TNFRSF12A: variants seen among roughly 807,000 people sequenced by gnomAD.
TNFRSF12A encodes the protein TNF receptor superfamily member 12A, also known as tumor necrosis factor receptor superfamily member 12A.
TNFRSF12A carries 13 observed loss-of-function variants against 15.5 expected under a neutral mutation model. The ratio of observed to expected loss-of-function variants is 0.84; its 90% CI spans 0.54 to 1.33. The LOEUF is 1.33. TNFRSF12A is among the 40% of genes most tolerant of loss of function. The pLI, the probability that TNFRSF12A is intolerant of heterozygous loss-of-function variation, is 0.00. For missense variants in TNFRSF12A, 174 were observed against 173.6 expected (o/e 1.00, Z -0.01); for synonymous variants, 89 against 78.4 (o/e 1.14, Z -0.71).
Position 3,022,044 on chromosome 16 carries a change from T to C in TNFRSF12A, c.*218T>C, listed in dbSNP as rs185286477. ...CTGGCTCCAGAACAGAAAGGGAGCCTCACGCTGGCTCACACAAAACAGCTG... is the reference window on the plus strand; with the variant it reads ...CTGGCTCCAGAACAGAAAGGGAGCCCCACGCTGGCTCACACAAAACAGCTG... On this transcript the variant is annotated 3_prime_UTR_variant, in exon 4 of 4. Transcript: ENST00000326577. 8.8e-4 allele frequency: 494 copies of C among 558,234 alleles called. 9 individuals are homozygous for C. The East Asian group carries it at 0.015, about 17-fold the overall frequency. 34.6% of individuals were successfully genotyped at this position (558,234 alleles called of 1,614,324 possible). A position where few individuals can be genotyped will look rare whatever the true frequency, so the allele number is the denominator to read the frequency against.
In TNFRSF12A at chr16:3,020,492, G is replaced by T. The variant is rs2072600099; in HGVS notation, c.94+1G>T. On this transcript the variant is annotated splice_donor_variant, in intron 1 of 3. Coordinates refer to ENST00000326577, the MANE Select transcript of TNFRSF12A (RefSeq NM_016639.3). LOFTEE classifies it high-confidence loss of function. ...TCCGTGGCCGGGGAGCAAGCGCCAG[G>T]TACGCGGGACTCCGGGGTCGGGGAA... 1 of 1,292,648 alleles carries T rather than the reference G, an allele frequency of 7.7e-7. No homozygotes were observed. Among genetic ancestry groups the T allele is most frequent in the Admixed American group, 3.1e-5 (1 of 32,544 alleles). The allele number at this position is 1,292,648 out of a possible 1,614,324, so 80.1% of individuals were successfully genotyped here.
At chr16:3,021,019 C>A (rs2072605545) in intron 1 of TNFRSF12A, 196 bp from the exon 2 acceptor site, 2 of 490,020 alleles carry the variant, frequency 4.1e-6, no homozygotes, top group Non-Finnish European at 7.2e-6. Flanking sequence ...GGACCTGACC[C>A]CCCCCACCCC....
chr16:3,021,123 G>A, intron 1 of TNFRSF12A, 92 bp from the exon 2 acceptor site: 1 of 648,938 alleles, frequency 1.5e-6, no homozygotes, highest in Non-Finnish European at 2.5e-6. Context: ...GGGCGCCGGT[G>A]ACTCACGTTA....
At position 3,021,972 on chromosome 16, in the gene TNFRSF12A, G is replaced by A; in HGVS notation, c.*146G>A. On this transcript the variant is annotated 3_prime_UTR_variant, in exon 4 of 4. Transcript: ENST00000326577. The stretch of plus-strand genomic sequence containing the variant: ...GGCGGTGAATCACCTCTGAGGCCTG[G>A]GCCCAGGGTTCAGGGGAACCTTCCA... 1 of 839,896 alleles carries A rather than the reference G, an allele frequency of 1.2e-6. No homozygotes were observed. Among genetic ancestry groups the A allele is most frequent in the Non-Finnish European group, 1.8e-6 (1 of 551,376 alleles). 52.0% of individuals were successfully genotyped at this position (839,896 alleles called of 1,614,324 possible).
Position 3,021,910 on chromosome 16 carries a change from C to A in TNFRSF12A, c.*84C>A, listed in dbSNP as rs947030120. ...GCCAGTCTCTGCCTCCCAGACGCGG[C>A]GGGAGCCAAGCTCCTCCAACCACAA... On this transcript the variant is annotated 3_prime_UTR_variant, in exon 4 of 4. Coordinates refer to ENST00000326577, the MANE Select transcript of TNFRSF12A (RefSeq NM_016639.3). The A allele has an allele frequency of 6.0e-6, 9 of 1,496,832 alleles. No individual in the cohort carries two copies. The highest frequency in any genetic ancestry group is 1.2e-5 in the South Asian group (1 of 82,338). 92.7% of individuals were successfully genotyped at this position (1,496,832 alleles called of 1,614,324 possible).
At position 3,021,806 on chromosome 16, in the gene TNFRSF12A, G is replaced by C; in HGVS notation, c.370G>C (p.Ala124Pro). Reference sequence around the variant, plus strand: ...GGAGACCGGCGGAGAGGGCTGCCCAGCTGTGGCGCTGATCCAGTGACAATG... The same window carrying C: ...GGAGACCGGCGGAGAGGGCTGCCCACCTGTGGCGCTGATCCAGTGACAATG... ...IEETGGEGCP[A>P]VALIQ The change falls in exon 4 of 4, where the codon GCT becomes CCT. Residue 124 changes from alanine (A) to proline (P), a missense_variant. By Grantham distance (27) the Ala-to-Pro change is conservative. Transcript: ENST00000326577. The C allele has an allele frequency of 6.2e-7, 1 of 1,613,110 alleles. No homozygotes were observed. The highest frequency in any genetic ancestry group is 8.5e-7 in the Non-Finnish European group (1 of 1,179,742).
At position 3,022,022 on chromosome 16, in the gene TNFRSF12A, G is replaced by A; in HGVS notation, c.*196G>A. On this transcript the variant is annotated 3_prime_UTR_variant, in exon 4 of 4. Transcript: ENST00000326577. Reference sequence around the variant, plus strand: ...AAGGTGTCTGGTTGCCCTGCCTCTGGCTCCAGAACAGAAAGGGAGCCTCAC... The same window carrying A: ...AAGGTGTCTGGTTGCCCTGCCTCTGACTCCAGAACAGAAAGGGAGCCTCAC... 1.7e-6 allele frequency: 1 copy of A among 586,274 alleles called. No homozygotes were observed. Among genetic ancestry groups the A allele is most frequent in the Admixed American group, 3.3e-5 (1 of 29,870 alleles). The allele number at this position is 586,274 out of a possible 1,614,324, so 36.3% of individuals were successfully genotyped here.
intron 1 of TNFRSF12A, chr16:3,020,905 C>G: frequency 4.3e-6 from 2 of 464,034 alleles, no homozygotes; most frequent in Non-Finnish European, 7.6e-6. Context: ...GTGGGGTGCC[C>G]CCTTCCATCC....
rs2072617515 is a variant in TNFRSF12A at position 3,022,017 on chromosome 16, C to G, written c.*191C>G. 1 of 600,952 alleles carries G rather than the reference C, an allele frequency of 1.7e-6. No homozygotes were observed. 37.2% of individuals were successfully genotyped at this position (600,952 alleles called of 1,614,324 possible). On this transcript the variant is annotated 3_prime_UTR_variant, in exon 4 of 4. Coordinates refer to ENST00000326577, the MANE Select transcript of TNFRSF12A (RefSeq NM_016639.3). ...CTTCCAAGGTGTCTGGTTGCCCTGCCTCTGGCTCCAGAACAGAAAGGGAGC... is the reference window on the plus strand; with the variant it reads ...CTTCCAAGGTGTCTGGTTGCCCTGCGTCTGGCTCCAGAACAGAAAGGGAGC...
rs769216429 is a variant in TNFRSF12A at position 3,021,243 on chromosome 16, C to G, written c.123C>G (p.Ser41=). Residue 41 remains serine, a synonymous_variant, in exon 2 of 4, where the codon TCC becomes TCG. Coordinates refer to ENST00000326577, the MANE Select transcript of TNFRSF12A (RefSeq NM_016639.3). The part of the protein sequence containing the change: ...PGTAPCSRGS[S]WSADLDKCMD... ...CCGCCCCCTGCTCCCGCGGCAGCTC[C>G]TGGAGCGCGGACCTGGACAAGTGCA... 6.3e-7 allele frequency: 1 copy of G among 1,591,816 alleles called. No homozygotes were observed. Among genetic ancestry groups the G allele is most frequent in the Non-Finnish European group, 8.5e-7 (1 of 1,174,710 alleles).
At position 3,020,372 on chromosome 16, in the gene TNFRSF12A, A is replaced by G. The variant is rs2072598965; in HGVS notation, c.-26A>G. 17 of 1,285,246 alleles carry G rather than the reference A, an allele frequency of 1.3e-5. No homozygotes were observed. The highest frequency in any genetic ancestry group is 1.6e-5 in the Non-Finnish European group (16 of 1,015,758). 79.6% of individuals were successfully genotyped at this position (1,285,246 alleles called of 1,614,324 possible). On this transcript the variant is annotated 5_prime_UTR_variant, in exon 1 of 4. Coordinates refer to ENST00000326577, the MANE Select transcript of TNFRSF12A (RefSeq NM_016639.3). ...CCCTGCCGGCCGGCGGCGGGCGCAGACAGCGGCGGGCGCAGGACGTGCACT... is the reference window on the plus strand; with the variant it reads ...CCCTGCCGGCCGGCGGCGGGCGCAGGCAGCGGCGGGCGCAGGACGTGCACT...
rs550086804 is a variant in TNFRSF12A, at chr16:3,021,926, C to G, written c.*100C>G. The G allele has an allele frequency of 1.4e-6, 2 of 1,386,676 alleles. No individual in the cohort carries two copies. The highest frequency in any genetic ancestry group is 2.0e-6 in the Non-Finnish European group (2 of 1,013,352). The allele number at this position is 1,386,676 out of a possible 1,614,324, so 85.9% of individuals were successfully genotyped here. On this transcript the variant is annotated 3_prime_UTR_variant, in exon 4 of 4. Transcript: ENST00000326577. ...CAGACGCGGCGGGAGCCAAGCTCCTCCAACCACAAGGGGGGTGGGGGGCGG... is the reference window on the plus strand; with the variant it reads ...CAGACGCGGCGGGAGCCAAGCTCCTGCAACCACAAGGGGGGTGGGGGGCGG...
Position 3,022,251 on chromosome 16 carries a change from G to A in TNFRSF12A, c.*425G>A. The stretch of plus-strand genomic sequence containing the variant: ...TAGGGACCTATTTTTAACACTAGGG[G>A]GCTGGCCCACTAGGAGGGCTGGCCC... On this transcript the variant is annotated 3_prime_UTR_variant, in exon 4 of 4. Coordinates refer to ENST00000326577, the MANE Select transcript of TNFRSF12A (RefSeq NM_016639.3). 3.0e-6 allele frequency: 1 copy of A among 335,484 alleles called. No individual in the cohort carries two copies. Among genetic ancestry groups the A allele is most frequent in the African/African-American group, 2.1e-5 (1 of 47,460 alleles). The allele number at this position is 335,484 out of a possible 1,614,324, so 20.8% of individuals were successfully genotyped here.
rs2072618852 is a variant in TNFRSF12A, at chr16:3,022,101, G to A, written c.*275G>A. ...ACTAAGGAACTGCAGCATTTGCACA[G>A]GGGAGGGGGGTGCCCTCCTTCCTAG... is the stretch of plus-strand genomic sequence containing the variant. On this transcript the variant is annotated 3_prime_UTR_variant, in exon 4 of 4. Transcript: ENST00000326577. 3.2e-5 allele frequency: 15 copies of A among 466,234 alleles called. No individual in the cohort carries two copies. Among genetic ancestry groups the A allele is most frequent in the Non-Finnish European group, 5.3e-5 (14 of 265,950 alleles). The allele number at this position is 466,234 out of a possible 1,614,324, so 28.9% of individuals were successfully genotyped here. A position where few individuals can be genotyped will look rare whatever the true frequency, so the allele number is the denominator to read the frequency against.
At chr16:3,020,946 A>C in intron 1 of TNFRSF12A, 1 of 461,446 alleles carries the variant, frequency 2.2e-6, no homozygotes, top group Non-Finnish European at 3.8e-6. Context: ...ATGCGGGGGG[A>C]GGGACTGGGG....
rs952244890 is a variant in TNFRSF12A, at chr16:3,021,790, C to T, written c.354C>T (p.Gly118=). The part of the protein sequence containing the change: ...EKFTTPIEET[G]GEGCPAVALI... ...TTGCAGCCCCCATAGAGGAGACCGG[C>T]GGAGAGGGCTGCCCAGCTGTGGCGC... The change falls in exon 4 of 4, where the codon GGC becomes GGT. Residue 118 remains glycine, a synonymous_variant. Transcript: ENST00000326577. The T allele has an allele frequency of 1.9e-6, 3 of 1,613,000 alleles. No homozygotes were observed. The highest frequency in any genetic ancestry group is 2.7e-5 in the African/African-American group (2 of 74,904).
chr16:3,021,400 C>A (rs567525035), intron 2 of TNFRSF12A, 81 bp downstream of exon 2: 537 of 1,431,182 alleles, frequency 3.8e-4, no homozygotes, highest in Middle Eastern at 6.1e-4. Flanking sequence ...GGGCCGAGAG[C>A]TTTGCATCTG....
rs2072598945 is a variant in TNFRSF12A, at chr16:3,020,371, G to C, written c.-27G>C. Reference sequence around the variant, plus strand: ...TCCCTGCCGGCCGGCGGCGGGCGCAGACAGCGGCGGGCGCAGGACGTGCAC... The same window carrying C: ...TCCCTGCCGGCCGGCGGCGGGCGCACACAGCGGCGGGCGCAGGACGTGCAC... On this transcript the variant is annotated 5_prime_UTR_variant, in exon 1 of 4. Transcript: ENST00000326577. 1.6e-6 allele frequency: 2 copies of C among 1,285,234 alleles called. No individual in the cohort carries two copies. The highest frequency in any genetic ancestry group is 2.0e-6 in the Non-Finnish European group (2 of 1,015,694). The allele number at this position is 1,285,234 out of a possible 1,614,324, so 79.6% of individuals were successfully genotyped here. A position where few individuals can be genotyped will look rare whatever the true frequency, so the allele number is the denominator to read the frequency against.
Position 3,021,752 on chromosome 16 carries a change from C to T in TNFRSF12A, c.335-19C>T. On this transcript the variant is annotated intron_variant, in intron 3 of 3. Coordinates refer to ENST00000326577, the MANE Select transcript of TNFRSF12A (RefSeq NM_016639.3). ...CGACCTTTTCTCTGCTGCTGACGAC[C>T]CCACCTCTTATCTTGCAGCCCCCAT... 2.5e-6 allele frequency: 4 copies of T among 1,611,692 alleles called. No individual in the cohort carries two copies. Among genetic ancestry groups the T allele is most frequent in the Non-Finnish European group, 3.4e-6 (4 of 1,178,532 alleles).
Sources: gnomAD v4.1 joint callset for allele counts on GRCh38, gnomAD v4.1.1 for gene constraint, MANE v1.5 for transcripts, NCBI Gene and HGNC (gene_info 2026-07-23, HGNC 2026-07-21) for gene names.